FBXL2: variants seen among roughly 807,000 people sequenced by gnomAD.
The protein encoded by FBXL2 is F-box and leucine rich repeat protein 2.
FBXL2 carries 38 observed loss-of-function variants against 69.2 expected under a neutral mutation model. That is an observed-to-expected ratio of 0.55 (90% CI 0.42 to 0.72). The LOEUF is 0.72. Among genes scored for constraint, FBXL2 ranks in the 30% least tolerant of loss-of-function variants. FBXL2 has a pLI of 0.00. For missense variants in FBXL2, 354 were observed against 520.3 expected (o/e 0.68, Z 3.11); for synonymous variants, 192 against 201.3 (o/e 0.95, Z 0.39).
At chr3:33,338,368 C>T (rs909070932) in intron 2 of FBXL2, among the ~76,000 whole-genome samples, 8 of 152,052 alleles carry the variant, frequency 5.3e-5, no homozygotes, top group East Asian at 1.9e-4. Flanking sequence ...GCCAAGATCA[C>T]GCCACTGCAC....
chr3:33,347,349 A>G, intron 2 of FBXL2, among the ~76,000 whole-genome samples: 1 of 152,176 alleles, frequency 6.6e-6, no homozygotes, highest in South Asian at 2.1e-4. Flanking sequence ...TTGGATGGAT[A>G]TATGTTGGAT....
At chr3:33,397,681 A>C (rs1423034108) in intron 12 of FBXL2, 1 of 152,220 alleles carries the variant, frequency 6.6e-6, no homozygotes, top group Non-Finnish European at 1.5e-5. Flanking sequence ...CAACTCTGTC[A>C]CAGCAGCTAA....
At chr3:33,398,104 T>C (rs1413011600) in intron 12 of FBXL2, 1 of 152,200 alleles carries the variant, frequency 6.6e-6, no homozygotes, top group South Asian at 2.1e-4. Flanking sequence ...TCTCTACTTT[T>C]TAATGTCTGA....
the FBXL2 span, among the ~76,000 whole-genome samples, chr3:33,414,945 T>C: frequency 1.3e-5 from 2 of 150,206 alleles, no homozygotes; most frequent in Non-Finnish European, 2.9e-5. Flanking sequence ...AGTTAATGGT[T>C]TTGCTACTAA....
chr3:33,397,156 T>C, intron 12 of FBXL2: 1 of 1,545,602 alleles, frequency 6.5e-7, no homozygotes, highest in Non-Finnish European at 8.7e-7. Context: ...GCAAAAATAT[T>C]TTTCTCAAAT....
At chr3:33,329,540 A>G (rs2038988147) in intron 2 of FBXL2, among the ~76,000 whole-genome samples, 1 of 152,222 alleles carries the variant, frequency 6.6e-6, no homozygotes, top group South Asian at 2.1e-4. Flanking sequence ...GGATGAATGG[A>G]TAAAGAAAAT....
intron 1 of FBXL2, among the ~76,000 whole-genome samples, chr3:33,291,216 A>C (rs751201503): frequency 3.0e-4 from 46 of 152,268 alleles, no homozygotes; most frequent in Middle Eastern, 3.4e-3. Context: ...GGCGTGAGCT[A>C]CTGTGCCTGG....
intron 2 of FBXL2, among the ~76,000 whole-genome samples, chr3:33,343,716 G>T (rs1268532501): frequency 6.6e-6 from 1 of 151,864 alleles, no homozygotes; most frequent in Non-Finnish European, 1.5e-5. Context: ...AAAAAATTTT[G>T]TCATTATGAA....
At chr3:33,397,257 TACAC>T in intron 12 of FBXL2, 2 of 664,104 alleles carry the variant, frequency 3.0e-6, no homozygotes, top group Non-Finnish European at 5.0e-6. Context: ...AATACACACA[TACAC>T]ATGAACAATA....
chr3:33,392,827 G>T (rs1575444683), downstream of FBXL2: 1 of 470,044 alleles, frequency 2.1e-6, no homozygotes, highest in East Asian at 3.4e-5. Context: ...GAGAGACCTG[G>T]TCAGTCACCC....
At chr3:33,375,242 A>T (rs756063307) in intron 9 of FBXL2, 46 bp from the exon 10 acceptor site, 1 of 1,590,962 alleles carries the variant, frequency 6.3e-7, no homozygotes, top group Non-Finnish European at 8.6e-7. Flanking sequence ...CCGTTTTGGT[A>T]TTGCTGGTGT....
At chr3:33,369,523 A>G (rs2042159591) in intron 5 of FBXL2, among the ~76,000 whole-genome samples, 1 of 152,152 alleles carries the variant, frequency 6.6e-6, no homozygotes, top group Admixed American at 6.5e-5. Context: ...CTCGGTTGTC[A>G]TACATTTTAA....
At chr3:33,359,196 TA>T in intron 3 of FBXL2, 86 bp from the exon 4 acceptor site, 1 of 1,210,416 alleles carries the variant, frequency 8.3e-7, no homozygotes. Context: ...AGTTTGGAAA[TA>T]AAGGTTAATC....
At chr3:33,394,467 T>C (rs749677970) in intron 12 of FBXL2, among the ~76,000 whole-genome samples, 3 of 151,982 alleles carry the variant, frequency 2.0e-5, no homozygotes, top group Non-Finnish European at 4.4e-5. Flanking sequence ...TATGAAAAGC[T>C]AATATAAACA....
chr3:33,338,774 G>T (rs2039783675), intron 2 of FBXL2, among the ~76,000 whole-genome samples: 1 of 152,090 alleles, frequency 6.6e-6, no homozygotes, highest in Admixed American at 6.6e-5. Flanking sequence ...ACAAAAATCA[G>T]CTCAAGGTGG....
chr3:33,364,199 T>G (rs1483377936), intron 4 of FBXL2: 1 of 175,050 alleles, frequency 5.7e-6, no homozygotes, highest in East Asian at 1.5e-4. Flanking sequence ...GTGGTAATGC[T>G]TAGCTCAAGT....
At chr3:33,360,918 CTTTTTTTTTTTTTTTTT>C (rs58912118) in intron 4 of FBXL2, among the ~76,000 whole-genome samples, 1 of 57,118 alleles carries the variant, frequency 1.8e-5, no homozygotes, top group South Asian at 8.3e-4. Context: ...ACATGAAGAA[CTTTTTTTTTTTTTTTTT>C]TTTTTTTTTT....
At chr3:33,418,692 C>T in the FBXL2 span, among the ~76,000 whole-genome samples, 31 of 151,590 alleles carry the variant, frequency 2.0e-4, 1 homozygote, top group Admixed American at 2.0e-3. Context: ...AACCTCATCT[C>T]TACTAAAAAT....
At chr3:33,333,789 T>C in intron 2 of FBXL2, among the ~76,000 whole-genome samples, 1 of 152,142 alleles carries the variant, frequency 6.6e-6, no homozygotes, top group East Asian at 1.9e-4. Flanking sequence ...CATAGAGATT[T>C]CTCTAGAGAG....
Sources: gnomAD v4.1 joint callset for allele counts (sites outside exome capture counted in the v4.1 genomes callset) on GRCh38, gnomAD v4.1.1 for gene constraint, MANE v1.5 for transcripts, NCBI Gene and HGNC (gene_info 2026-07-23, HGNC 2026-07-21) for gene names.